The following SOX5 variants were observed in gnomAD, a reference collection of about 807,000 sequenced individuals.
SOX5 encodes the protein transcription factor SOX-5.
Under a neutral mutation model 92.0 loss-of-function variants are expected in SOX5, and 9 were observed. The ratio of observed to expected loss-of-function variants is 0.10; its 90% CI spans 0.06 to 0.17. The LOEUF (loss-of-function observed/expected upper bound fraction) is 0.17, where lower values mean the gene tolerates loss of function less well. Among genes scored for constraint, SOX5 ranks in the 10% least tolerant of loss-of-function variants. The probability of loss-of-function intolerance (pLI) is 1.00; values close to 1 mark genes in which losing one functional copy is unlikely to be tolerated. For synonymous variants in SOX5, 344 were observed against 336.3 expected, an observed-to-expected ratio of 1.02 and a Z score of -0.25; for missense variants, 642 against 944.5, an observed-to-expected ratio of 0.68 and a Z score of 4.20.
At chr12:23,753,067 T>A (rs1314555719) in intron 4 of SOX5, among the ~76,000 whole-genome samples, 4 of 151,808 alleles carry the variant, frequency 2.6e-5, no homozygotes, top group Admixed American at 2.6e-4. Context: ...TCTTGAAAAA[T>A]GAGATTGACT....
At chr12:24,147,967 C>A (rs1951244619) in intron 4 of SOX5, among the ~76,000 whole-genome samples, 1 of 152,130 alleles carries the variant, frequency 6.6e-6, no homozygotes, top group Admixed American at 6.6e-5. Flanking sequence ...GATGTCAGTT[C>A]TCTCCAAATC....
chr12:23,745,717 C>G (rs962854896), intron 4 of SOX5, among the ~76,000 whole-genome samples: 1 of 152,094 alleles, frequency 6.6e-6, no homozygotes, highest in African/African-American at 2.4e-5. Flanking sequence ...TGGCTCTTTT[C>G]CTGATTTCCA....
chr12:24,112,281 C>T (rs2138163521), intron 4 of SOX5, among the ~76,000 whole-genome samples: 1 of 152,216 alleles, frequency 6.6e-6, no homozygotes, highest in South Asian at 2.1e-4. Flanking sequence ...CTATTCCTCT[C>T]AAAAAAGTTT....
chr12:24,295,723 A>C (rs913455057), intron 2 of SOX5, among the ~76,000 whole-genome samples: 1 of 111,784 alleles, frequency 8.9e-6, no homozygotes, highest in Non-Finnish European at 1.9e-5. Context: ...ACACCAGCAC[A>C]TCTGGCTAAT....
intron 2 of SOX5, among the ~76,000 whole-genome samples, chr12:24,335,747 T>A (rs1034907335): frequency 6.6e-6 from 1 of 151,956 alleles, no homozygotes; most frequent in African/African-American, 2.4e-5. Context: ...TAGAAATCTA[T>A]AGAAAAGTTA....
chr12:24,018,458 G>A (rs1953916766), intron 4 of SOX5, among the ~76,000 whole-genome samples: 1 of 152,090 alleles, frequency 6.6e-6, no homozygotes. Flanking sequence ...TCTAAATTTT[G>A]CATAAGTTGG....
intron 4 of SOX5, among the ~76,000 whole-genome samples, chr12:24,007,072 G>A (rs545263917): frequency 2.0e-5 from 3 of 147,840 alleles, no homozygotes; most frequent in Admixed American, 1.4e-4. Context: ...GGTGGAGGTT[G>A]CAGTGAGCTG....
At chr12:24,199,043 C>G (rs1389258456) in intron 4 of SOX5, among the ~76,000 whole-genome samples, 2 of 152,054 alleles carry the variant, frequency 1.3e-5, no homozygotes, top group African/African-American at 4.8e-5. Flanking sequence ...CTGGGATGTC[C>G]CCTTTTCATC....
At chr12:24,245,965 C>G (rs1358899086) in intron 3 of SOX5, among the ~76,000 whole-genome samples, 2 of 152,132 alleles carry the variant, frequency 1.3e-5, no homozygotes, top group African/African-American at 4.8e-5. Flanking sequence ...CAGAAAATGG[C>G]TTTAGTGTAG....
At chr12:24,372,847 G>A (rs1044028393) in intron 1 of SOX5, among the ~76,000 whole-genome samples, 1 of 151,866 alleles carries the variant, frequency 6.6e-6, no homozygotes, top group Non-Finnish European at 1.5e-5. Flanking sequence ...GATGGGTGCA[G>A]TGGCTCACGT....
chr12:23,701,744 C>T (rs1371374653), intron 6 of SOX5, among the ~76,000 whole-genome samples: 1 of 152,042 alleles, frequency 6.6e-6, no homozygotes, highest in Non-Finnish European at 1.5e-5. Context: ...TAAGACCCCT[C>T]CCTCAACATC....
chr12:24,245,123 A>C (rs1021222462), intron 3 of SOX5, among the ~76,000 whole-genome samples: 6 of 152,160 alleles, frequency 3.9e-5, no homozygotes, highest in Admixed American at 1.3e-4. Context: ...AGCATTCATC[A>C]TAGTCACAAT....
intron 4 of SOX5, among the ~76,000 whole-genome samples, chr12:24,068,735 TATATATATATATACACAC>T (rs1401658236): frequency 2.2e-5 from 2 of 89,416 alleles, no homozygotes; most frequent in South Asian, 3.4e-4. Context: ...TATATATATA[TATATATATATATACACAC>T]ACACACATTA....
chr12:24,375,372 GA>G (rs1957155090), intron 1 of SOX5, among the ~76,000 whole-genome samples: 1 of 152,124 alleles, frequency 6.6e-6, no homozygotes, highest in Non-Finnish European at 1.5e-5. Flanking sequence ...AAACAAAGAG[GA>G]TTTGACACAG....
At position 24,201,936 on chromosome 12, in the gene SOX5, T is replaced by C. The variant is rs181165103; in HGVS notation, c.-2+11407A>G. ...ACATTTGTATAGCTGGAGTTTTACA[T>C]CTACCAGAATACACTTGGCTCTTCA... is the stretch of plus-strand genomic sequence containing the variant. On this transcript the variant is annotated intron_variant, in intron 4 of 4. Coordinates refer to the SOX5 transcript ENST00000446891. Among the ~76,000 whole-genome samples, 405 of 152,326 alleles carry C rather than the reference T, an allele frequency of 2.7e-3. 3 individuals are homozygous for C. Among genetic ancestry groups the C allele is most frequent in the African/African-American group, 9.3e-3 (386 of 41,578 alleles).
At chr12:24,403,416 A>G (rs1218182438) in intron 1 of SOX5, among the ~76,000 whole-genome samples, 4 of 152,244 alleles carry the variant, frequency 2.6e-5, no homozygotes, top group Non-Finnish European at 5.9e-5. Flanking sequence ...GTAGGTGCTC[A>G]GTAAAGCTCG....
chr12:24,429,625 T>TAC (rs148679940), intron 1 of SOX5, among the ~76,000 whole-genome samples: 10,418 of 140,646 alleles, frequency 0.074, 376 homozygotes, highest in African/African-American at 0.088. Context: ...CACACACACA[T>TAC]ACACACACAC....
intron 3 of SOX5, among the ~76,000 whole-genome samples, chr12:23,787,671 T>C (rs1289937824): frequency 1.3e-5 from 2 of 151,994 alleles, no homozygotes; most frequent in Admixed American, 1.3e-4. Context: ...ACTAGGAACA[T>C]AGTGTGACAT....
At chr12:24,339,790 G>C (rs529073654) in intron 2 of SOX5, among the ~76,000 whole-genome samples, 9 of 152,330 alleles carry the variant, frequency 5.9e-5, no homozygotes, top group Admixed American at 5.2e-4. Context: ...TGCCACAAAA[G>C]TTCCCCTTCA....
Sources: allele counts gnomAD v4.1 joint callset (sites outside exome capture counted in the v4.1 genomes callset), GRCh38; gene constraint gnomAD v4.1.1; transcripts MANE v1.5; gene names NCBI Gene and HGNC (gene_info 2026-07-23, HGNC 2026-07-21).